DLG2: variants seen among roughly 807,000 people sequenced by gnomAD.
DLG2 encodes the protein discs large MAGUK scaffold protein 2, also known as disks large homolog 2.
Under a neutral mutation model 132.5 loss-of-function variants are expected in DLG2, and 45 were observed. The observed-to-expected ratio is 0.34, with a 90% CI of 0.27 to 0.44. The LOEUF is 0.44. DLG2 is among the 20% of genes least tolerant of loss of function. DLG2 has a pLI of 1.00. For missense variants in DLG2, 1,045 were observed against 1,196.9 expected (o/e 0.87, Z 1.87); for synonymous variants, 424 against 419.6 (o/e 1.01, Z -0.13).
At chr11:84,837,736 G>T (rs995323031) in intron 6 of DLG2, among the ~76,000 whole-genome samples, 4 of 151,824 alleles carry the variant, frequency 2.6e-5, no homozygotes, top group Non-Finnish European at 4.4e-5. Context: ...ATATTACATA[G>T]AGAGCAATAT....
intron 6 of DLG2, among the ~76,000 whole-genome samples, chr11:84,561,978 C>T (rs2099429584): frequency 6.6e-6 from 1 of 151,876 alleles, no homozygotes; most frequent in African/African-American, 2.4e-5. Flanking sequence ...TTATACTTAT[C>T]AAAATGTGAC....
intron 7 of DLG2, among the ~76,000 whole-genome samples, chr11:84,368,088 T>C (rs939829663): frequency 2.0e-5 from 3 of 152,166 alleles, no homozygotes; most frequent in Non-Finnish European, 4.4e-5. Context: ...TGTGCTTTTA[T>C]TGTATTGTCA....
intron 3 of DLG2, among the ~76,000 whole-genome samples, chr11:85,399,027 A>C (rs1195639971): frequency 6.6e-6 from 1 of 152,168 alleles, no homozygotes; most frequent in Non-Finnish European, 1.5e-5. Context: ...ATATTTAGAA[A>C]ACCCCATTGT....
At chr11:85,264,672 T>A (rs1249304942) in intron 4 of DLG2, among the ~76,000 whole-genome samples, 1 of 152,126 alleles carries the variant, frequency 6.6e-6, no homozygotes, top group African/African-American at 2.4e-5. Context: ...CAGCACCGTA[T>A]CCACATGGAA....
At chr11:83,695,957 G>A (rs1012617699) in intron 18 of DLG2, among the ~76,000 whole-genome samples, 16 of 152,164 alleles carry the variant, frequency 1.1e-4, no homozygotes, top group African/African-American at 3.9e-4. Flanking sequence ...AGAAATGAGA[G>A]GCAGGCTTGG....
At chr11:84,233,251 T>G (rs1445291890) in intron 8 of DLG2, among the ~76,000 whole-genome samples, 1 of 152,066 alleles carries the variant, frequency 6.6e-6, no homozygotes, top group Non-Finnish European at 1.5e-5. Context: ...AAATAATAAT[T>G]GGTCACAGTC....
chr11:85,499,008 C>A (rs896706219), intron 3 of DLG2, among the ~76,000 whole-genome samples: 1 of 151,966 alleles, frequency 6.6e-6, no homozygotes, highest in Non-Finnish European at 1.5e-5. Flanking sequence ...AAAATCAACA[C>A]ATCAAAATTA....
At chr11:85,070,335 A>C (rs530417461) in intron 6 of DLG2, among the ~76,000 whole-genome samples, 1 of 150,596 alleles carries the variant, frequency 6.6e-6, no homozygotes, top group Non-Finnish European at 1.5e-5. Flanking sequence ...TAAATAAATA[A>C]ATAAAAAGAC....
chr11:84,229,224 C>T (rs1437784364), intron 8 of DLG2, among the ~76,000 whole-genome samples: 1 of 152,020 alleles, frequency 6.6e-6, no homozygotes, highest in Non-Finnish European at 1.5e-5. Flanking sequence ...GCAGGTATCC[C>T]TGTAATAAAA....
In DLG2 at chr11:84,345,504, C is replaced by T. The variant is rs773181327; in HGVS notation, c.520-94213G>A. The stretch of plus-strand genomic sequence containing the variant: ...ACAGGTTACAGAATTATAATAAAAA[C>T]CTTCTTCATTTTTAACTGGACTGAT... On this transcript the variant is annotated intron_variant, in intron 7 of 27. Coordinates refer to ENST00000376104, the MANE Select transcript of DLG2 (RefSeq NM_001142699.3). Among the ~76,000 whole-genome samples the T allele has an allele frequency of 1.8e-4, 28 of 152,268 alleles. No individual in the cohort carries two copies. The Middle Eastern group carries it at 0.01, about 55-fold the overall frequency.
intron 4 of DLG2, among the ~76,000 whole-genome samples, chr11:85,221,929 C>G (rs1196365844): frequency 6.6e-6 from 1 of 151,662 alleles, no homozygotes; most frequent in Admixed American, 6.6e-5. Context: ...CATTTTCTTT[C>G]TTTCTTTCTT....
At chr11:84,764,282 T>C (rs769163514) in intron 6 of DLG2, among the ~76,000 whole-genome samples, 3 of 152,156 alleles carry the variant, frequency 2.0e-5, no homozygotes, top group Admixed American at 2.0e-4. Context: ...CCCCTATAGT[T>C]ACTCTCTTTC....
chr11:83,520,552 A>G (rs772776731), intron 21 of DLG2, among the ~76,000 whole-genome samples: 1 of 152,100 alleles, frequency 6.6e-6, no homozygotes, highest in Non-Finnish European at 1.5e-5. Context: ...CATAGATAGA[A>G]AGATAGCTAA....
At chr11:84,320,807 C>T (rs757097680) in intron 7 of DLG2, among the ~76,000 whole-genome samples, 4 of 151,992 alleles carry the variant, frequency 2.6e-5, no homozygotes, top group Non-Finnish European at 5.9e-5. Flanking sequence ...TAAAATGTCC[C>T]GAATTGTAAC....
intron 3 of DLG2, among the ~76,000 whole-genome samples, chr11:85,407,847 C>T (rs1279492573): frequency 6.6e-6 from 1 of 151,778 alleles, no homozygotes; most frequent in East Asian, 1.9e-4. Flanking sequence ...GTACTCCAGT[C>T]TGTCCCTGTC....
At chr11:85,104,901 CAG>C (rs1200992864) in intron 6 of DLG2, among the ~76,000 whole-genome samples, 1 of 58,992 alleles carries the variant, frequency 1.7e-5, no homozygotes, top group Admixed American at 1.9e-4. Context: ...AAAAAAAAAA[CAG>C]AGAGAGAAAG....
chr11:84,041,277 T>C (rs188853983), intron 11 of DLG2, among the ~76,000 whole-genome samples: 25 of 152,122 alleles, frequency 1.6e-4, no homozygotes, highest in Non-Finnish European at 2.9e-4. Context: ...ATTTCACTCA[T>C]AGGCAGGTAC....
chr11:83,532,644 TGTTAATTATA>T, intron 21 of DLG2, 54 bp downstream of exon 21: 2 of 1,430,090 alleles, frequency 1.4e-6, no homozygotes, highest in Non-Finnish European at 2.0e-6. Flanking sequence ...AGCCTAAATG[TGTTAATTATA>T]GTTAAATCCA....
At chr11:85,520,927 G>A (rs1429602473) in intron 3 of DLG2, among the ~76,000 whole-genome samples, 5 of 152,068 alleles carry the variant, frequency 3.3e-5, no homozygotes, top group African/African-American at 1.2e-4. Flanking sequence ...AAAAACATCA[G>A]AGAAACTCTC....
Sources: allele counts gnomAD v4.1 joint callset (sites outside exome capture counted in the v4.1 genomes callset), GRCh38; gene constraint gnomAD v4.1.1; transcripts MANE v1.5; gene names NCBI Gene and HGNC (gene_info 2026-07-23, HGNC 2026-07-21).